SLIT1: variants seen among roughly 807,000 people sequenced by gnomAD.
SLIT1 encodes the protein slit guidance ligand 1.
A neutral mutation model predicts 186.1 loss-of-function variants in SLIT1; 66 were observed. The ratio of observed to expected loss-of-function variants is 0.35; its 90% CI spans 0.29 to 0.44. The LOEUF is 0.44. Among genes scored for constraint, SLIT1 ranks in the 20% least tolerant of loss-of-function variants. The pLI, the probability that SLIT1 is intolerant of heterozygous loss-of-function variation, is 1.00. For missense variants in SLIT1, 1,638 were observed against 2,037.4 expected (o/e 0.80, Z 3.77); for synonymous variants, 761 against 833.8 (o/e 0.91, Z 1.50).
Position 97,064,181 on chromosome 10 carries a change from TG to T in SLIT1, c.615del (p.Lys206SerfsTer25). ...TIPVSSFNHM[P>X]KLRTFRLHSN... ...CGGCTGACTCACAAGGTCCGTAGCT[TG>T]GGCATATGGTTGAAGCTGGACACGG... On this transcript the variant is annotated frameshift_variant, in exon 7 of 37. Coordinates refer to ENST00000266058, the MANE Select transcript of SLIT1 (RefSeq NM_003061.3). LOFTEE classifies it high-confidence loss of function. The T allele has an allele frequency of 6.2e-7, 1 of 1,613,492 alleles. No homozygotes were observed. The highest frequency in any genetic ancestry group is 8.5e-7 in the Non-Finnish European group (1 of 1,179,790).
chr10:97,039,731 C>T (rs1031412913), intron 21 of SLIT1, among the ~76,000 whole-genome samples: 11 of 152,200 alleles, frequency 7.2e-5, no homozygotes, highest in Non-Finnish European at 5.9e-5. Context: ...ATTTTAAAGG[C>T]GGAGCTTAGT....
At chr10:97,118,447 G>A (rs761323326) in intron 4 of SLIT1, among the ~76,000 whole-genome samples, 1 of 152,068 alleles carries the variant, frequency 6.6e-6, no homozygotes, top group African/African-American at 2.4e-5. Flanking sequence ...TGCAGGCTTC[G>A]GGCACACTCC....
In SLIT1 at chr10:97,004,816, G is replaced by A. The variant is rs1490189979; in HGVS notation, c.3587C>T (p.Thr1196Met). 8 of 1,614,006 alleles carry A rather than the reference G, an allele frequency of 5.0e-6. No individual in the cohort carries two copies. Among genetic ancestry groups the A allele is most frequent in the African/African-American group, 2.7e-5 (2 of 74,916 alleles). Residue 1196 changes from threonine to methionine, a missense_variant, in exon 33 of 37, where the codon ACG (threonine) becomes ATG (methionine). Physicochemically the swap from Thr to Met is moderately conservative, Grantham distance 81. This residue lies in a region of SLIT1 where 173 missense variants were observed against 290.9 expected (regional missense o/e 0.59). Transcript: ENST00000266058. The surrounding 1 kb of genome is among the most constrained non-coding windows in gnomAD (Gnocchi z 5.1). ...CAGAAGGATCCCATTGTCCTCTGCCGTGGAGACCTGATGGGCAGTGGCACT... is the reference window on the plus strand; with the variant it reads ...CAGAAGGATCCCATTGTCCTCTGCCATGGAGACCTGATGGGCAGTGGCACT... ...PRANITLQVS[T>M]AEDNGILLYN... is the part of the protein sequence containing the mutation.
At chr10:97,101,189 G>A (rs1397637140) in intron 4 of SLIT1, among the ~76,000 whole-genome samples, 1 of 152,150 alleles carries the variant, frequency 6.6e-6, no homozygotes, top group Non-Finnish European at 1.5e-5. Flanking sequence ...CCCCCCTGGG[G>A]ACACAGATGG....
chr10:97,019,241 C>T (rs1270003398), intron 26 of SLIT1, 134 bp from the exon 27 acceptor site: 1 of 637,966 alleles, frequency 1.6e-6, no homozygotes, highest in Admixed American at 2.6e-5. Context: ...ATCGTGCTCA[C>T]ACTCCCCTTG....
chr10:97,061,769 A>C (rs1413695937), intron 8 of SLIT1, among the ~76,000 whole-genome samples: 1 of 152,226 alleles, frequency 6.6e-6, no homozygotes, highest in Non-Finnish European at 1.5e-5. Flanking sequence ...GAAAAAATGC[A>C]CACACCTAGT....
intron 4 of SLIT1, among the ~76,000 whole-genome samples, chr10:97,090,492 T>C (rs552421367): frequency 5.0e-4 from 76 of 151,964 alleles, no homozygotes; most frequent in African/African-American, 1.6e-3. Flanking sequence ...GGGATGTGAG[T>C]TGGACTCAAA....
intron 4 of SLIT1, among the ~76,000 whole-genome samples, chr10:97,100,443 G>A (rs1201672384): frequency 6.6e-6 from 1 of 152,114 alleles, no homozygotes; most frequent in Non-Finnish European, 1.5e-5. Context: ...GGCCAACATG[G>A]TGAAACGCTG....
chr10:97,046,748 C>T lies in SLIT1; in HGVS notation c.1759G>A (p.Gly587Ser). 1.2e-6 allele frequency: 2 copies of T among 1,612,600 alleles called. No homozygotes were observed. Among genetic ancestry groups the T allele is most frequent in the South Asian group, 1.1e-5 (1 of 91,088 alleles). Residue 587 changes from glycine (G) to serine (S), a missense_variant, in exon 18 of 37, where the codon GGC becomes AGC. Coordinates refer to ENST00000266058, the MANE Select transcript of SLIT1 (RefSeq NM_003061.3). ...VSEIEDGAFE[G>S]AASVSELHLT... The stretch of plus-strand genomic sequence containing the variant: ...TGCAGCTCGCTCACAGAGGCTGCGC[C>T]CTCGAAGGCCCCATCTTCAATTTCT...
At chr10:97,013,616 T>TCTAC in intron 30 of SLIT1, 125 bp downstream of exon 30, 1 of 712,446 alleles carries the variant, frequency 1.4e-6, no homozygotes, top group Non-Finnish European at 2.4e-6. Flanking sequence ...AGGAACCCTG[T>TCTAC]AGAGCTGAGA....
At chr10:97,053,771 G>A (rs1043117037) in intron 13 of SLIT1, among the ~76,000 whole-genome samples, 2 of 152,080 alleles carry the variant, frequency 1.3e-5, no homozygotes, top group Non-Finnish European at 1.5e-5. Context: ...TTTTCCTTAC[G>A]TGGAAACATT....
At chr10:97,063,303 G>A (rs1005868489) in intron 8 of SLIT1, 152 bp downstream of exon 8, 2 of 774,688 alleles carry the variant, frequency 2.6e-6, no homozygotes, top group African/African-American at 1.7e-5. Flanking sequence ...GAGGTGATGG[G>A]CAGGGTCAGG....
chr10:97,081,952 T>C (rs1849109638), intron 4 of SLIT1, among the ~76,000 whole-genome samples: 1 of 152,220 alleles, frequency 6.6e-6, no homozygotes, highest in Non-Finnish European at 1.5e-5. Context: ...ACTCAGCTCT[T>C]CTTTCTCCAA....
intron 6 of SLIT1, among the ~76,000 whole-genome samples, chr10:97,064,474 G>A (rs1371304980): frequency 2.0e-5 from 3 of 152,210 alleles, no homozygotes; most frequent in African/African-American, 7.2e-5. Context: ...GTAGGATAGG[G>A]AGATGGAGCA....
At chr10:97,112,268 C>T (rs1222445344) in intron 4 of SLIT1, among the ~76,000 whole-genome samples, 1 of 152,050 alleles carries the variant, frequency 6.6e-6, no homozygotes, top group East Asian at 1.9e-4. Context: ...GTGATACTCA[C>T]CCCTCGGCAT....
chr10:97,156,533 G>A (rs984806002), intron 4 of SLIT1, among the ~76,000 whole-genome samples: 2 of 152,192 alleles, frequency 1.3e-5, no homozygotes, highest in Non-Finnish European at 1.5e-5. Flanking sequence ...AGCCAAGATC[G>A]TGCCACTGTA....
At chr10:97,140,911 A>G (rs1849750917) in intron 4 of SLIT1, among the ~76,000 whole-genome samples, 1 of 152,184 alleles carries the variant, frequency 6.6e-6, no homozygotes, top group Non-Finnish European at 1.5e-5. Context: ...CACTGGAACC[A>G]CTTTGCTAGA....
rs187591563 is a variant in SLIT1 at position 97,178,175 on chromosome 10, G to A, written c.197+7303C>T. ...AGACAATCCCCCTGACAAATTACCC[G>A]TTAATACCAAAGAAGAAAACAACTA... On this transcript the variant is annotated intron_variant, in intron 1 of 36. Transcript: ENST00000266058. 4.6e-5 allele frequency among the ~76,000 whole-genome samples: 7 copies of A among 152,216 alleles called. No individual in the cohort carries two copies. The East Asian group carries it at 9.6e-4, about 21-fold the overall frequency.
At chr10:97,115,946 T>G (rs1389955276) in intron 4 of SLIT1, among the ~76,000 whole-genome samples, 2 of 152,152 alleles carry the variant, frequency 1.3e-5, no homozygotes, top group South Asian at 4.1e-4. Context: ...CTGTCCTTGA[T>G]GGGCAGAGTA....
Sources: allele counts gnomAD v4.1 joint callset (sites outside exome capture counted in the v4.1 genomes callset), GRCh38; gene constraint gnomAD v4.1.1; regional missense constraint gnomAD v4.1.1; non-coding constraint Gnocchi (gnomAD v3.1); transcripts MANE v1.5; gene names NCBI Gene and HGNC (gene_info 2026-07-23, HGNC 2026-07-21).